LRRC3B: variants seen among roughly 807,000 people sequenced by gnomAD.
LRRC3B encodes leucine rich repeat containing 3B.
A neutral mutation model predicts 12.8 loss-of-function variants in LRRC3B; 2 were observed. The observed-to-expected ratio is 0.16, with a 90% confidence interval of 0.06 to 0.49. LRRC3B has a LOEUF of 0.49. Ranked by LOEUF, LRRC3B falls within the 20% of genes least tolerant of loss-of-function variation. The pLI is 0.96. For synonymous variants in LRRC3B, 132 were observed against 122.0 expected (o/e 1.08, Z -0.54); for missense variants, 189 against 319.4 (o/e 0.59, Z 3.11).
At chr3:26,699,903 C>G (rs943057744) in intron 1 of LRRC3B, among the ~76,000 whole-genome samples, 2 of 152,106 alleles carry the variant, frequency 1.3e-5, no homozygotes, top group African/African-American at 4.8e-5. Context: ...TTATGCTGTG[C>G]TCAGTATCCA....
intron 1 of LRRC3B, among the ~76,000 whole-genome samples, chr3:26,666,367 A>G (rs1173626390): frequency 5.9e-5 from 9 of 152,116 alleles, no homozygotes; most frequent in Non-Finnish European, 2.9e-5. Flanking sequence ...CCAAGACAGA[A>G]GAAGTACATG....
At chr3:26,706,972 G>A (rs571773817) in intron 1 of LRRC3B, among the ~76,000 whole-genome samples, 2 of 152,220 alleles carry the variant, frequency 1.3e-5, no homozygotes, top group South Asian at 4.1e-4. Context: ...CACTATATGC[G>A]AAGCACTATG....
At chr3:26,687,196 C>T (rs1006971303) in intron 1 of LRRC3B, among the ~76,000 whole-genome samples, 2 of 152,138 alleles carry the variant, frequency 1.3e-5, no homozygotes, top group Non-Finnish European at 2.9e-5. Context: ...CCCTGCCATT[C>T]TACATGTGTT....
At chr3:26,671,373 T>TATATATATAGAGAGAG (rs1261897533) in intron 1 of LRRC3B, among the ~76,000 whole-genome samples, 4 of 28,252 alleles carry the variant, frequency 1.4e-4, no homozygotes, top group East Asian at 2.5e-3. Context: ...TATATATATA[T>TATATATATAGAGAGAG]AGAGAGAGAG....
At chr3:26,691,105 G>A (rs6783021) in intron 1 of LRRC3B, among the ~76,000 whole-genome samples, 3,436 of 84,624 alleles carry the variant, frequency 0.041, 96 homozygotes, top group East Asian at 0.14. Flanking sequence ...GTGTGTGTGT[G>A]TATATATATA....
chr3:26,699,053 A>G (rs1700388406), intron 1 of LRRC3B, among the ~76,000 whole-genome samples: 1 of 151,634 alleles, frequency 6.6e-6, no homozygotes, highest in South Asian at 2.1e-4. Context: ...TTTATTTTTT[A>G]TTTTTGTTTT....
chr3:26,685,113 C>A (rs563001210), intron 1 of LRRC3B, among the ~76,000 whole-genome samples: 12 of 152,102 alleles, frequency 7.9e-5, no homozygotes, highest in Non-Finnish European at 1.0e-4. Context: ...GCCACCACAC[C>A]CAGCTAATTT....
intron 1 of LRRC3B, among the ~76,000 whole-genome samples, chr3:26,707,883 A>T (rs1700641583): frequency 6.6e-6 from 1 of 152,124 alleles, no homozygotes; most frequent in South Asian, 2.1e-4. Flanking sequence ...CAATGAAATG[A>T]TCTGTTGATG....
intron 1 of LRRC3B, among the ~76,000 whole-genome samples, chr3:26,670,121 C>T (rs557045331): frequency 5.5e-4 from 84 of 152,222 alleles, no homozygotes; most frequent in Non-Finnish European, 1.1e-3. Flanking sequence ...CATTTTTATC[C>T]TGTGTGTGCT....
chr3:26,646,817 T>G (rs1699161486), intron 1 of LRRC3B, among the ~76,000 whole-genome samples: 1 of 152,040 alleles, frequency 6.6e-6, no homozygotes, highest in African/African-American at 2.4e-5. Context: ...TGAGGCAGTG[T>G]GGTATAGTGT....
chr3:26,624,422 G>T (rs1464647430), intron 1 of LRRC3B: 2 of 152,588 alleles, frequency 1.3e-5, no homozygotes, highest in Non-Finnish European at 2.9e-5. Flanking sequence ...TTCCACAGCC[G>T]CAGTGTAGGA....
chr3:26,668,531 T>C (rs550322730), intron 1 of LRRC3B, among the ~76,000 whole-genome samples: 9 of 152,200 alleles, frequency 5.9e-5, no homozygotes, highest in Admixed American at 2.0e-4. Context: ...TGTGAAGGAA[T>C]AGGTCCCCCA....
At chr3:26,693,780 T>C (rs1575168960) in intron 1 of LRRC3B, among the ~76,000 whole-genome samples, 2 of 152,240 alleles carry the variant, frequency 1.3e-5, no homozygotes, top group African/African-American at 4.8e-5. Flanking sequence ...AAAAAATTAC[T>C]GCTTTATAAG....
chr3:26,625,772 G>A (rs562799621), intron 1 of LRRC3B, among the ~76,000 whole-genome samples: 2 of 152,246 alleles, frequency 1.3e-5, no homozygotes, highest in Non-Finnish European at 2.9e-5. Flanking sequence ...TAGCAGTTGT[G>A]GAGTTCTTAC....
At chr3:26,695,383 C>T (rs1362850358) in intron 1 of LRRC3B, among the ~76,000 whole-genome samples, 7 of 151,966 alleles carry the variant, frequency 4.6e-5, no homozygotes, top group African/African-American at 9.7e-5. Flanking sequence ...AAAAATTAGC[C>T]GGGCATTGTG....
intron 1 of LRRC3B, among the ~76,000 whole-genome samples, chr3:26,676,518 G>A (rs941186805): frequency 2.6e-5 from 4 of 152,086 alleles, no homozygotes; most frequent in African/African-American, 7.2e-5. Context: ...TCAGAGAAAT[G>A]CAAATCAAAA....
At chr3:26,653,391 T>C (rs935852296) in intron 1 of LRRC3B, among the ~76,000 whole-genome samples, 1 of 152,172 alleles carries the variant, frequency 6.6e-6, no homozygotes, top group African/African-American at 2.4e-5. Flanking sequence ...AAAAGCTGAT[T>C]TGAAATATTC....
Position 26,672,974 on chromosome 3 carries a change from G to A in LRRC3B, c.-160-36539G>A, listed in dbSNP as rs541571691. ...ATGTGAAATGAGGGTTCTGGTTGGC[G>A]AAGTAGGTTTATTTATTGTCCAAAA... On this transcript the variant is annotated intron_variant, in intron 1 of 1. Coordinates refer to ENST00000396641, the Ensembl canonical transcript of LRRC3B. Among the ~76,000 whole-genome samples, 11 of 152,270 alleles carry A rather than the reference G, an allele frequency of 7.2e-5. 1 individual carries two copies. In the South Asian group the frequency reaches 1.7e-3, roughly 23 times the overall value.
intron 1 of LRRC3B, among the ~76,000 whole-genome samples, chr3:26,637,136 A>G (rs1698919140): frequency 6.6e-6 from 1 of 151,402 alleles, no homozygotes; most frequent in Admixed American, 6.6e-5. Context: ...AGCTGTGATT[A>G]CAGGCGCCCA....
Sources: allele counts gnomAD v4.1 joint callset (sites outside exome capture counted in the v4.1 genomes callset), GRCh38; gene constraint gnomAD v4.1.1; transcripts MANE v1.5; gene names NCBI Gene and HGNC (gene_info 2026-07-23, HGNC 2026-07-21).